Variants in CNDP1 observed in about 807,000 individuals in gnomAD.
CNDP1 encodes beta-Ala-His dipeptidase.
CNDP1 carries 44 observed loss-of-function variants against 58.1 expected under a neutral mutation model. The observed-to-expected ratio is 0.76, with a 90% CI of 0.60 to 0.97. The LOEUF (loss-of-function observed/expected upper bound fraction) is 0.97. Among genes scored for constraint, CNDP1 ranks in the 50% least tolerant of loss-of-function variants. The pLI is 0.00. For missense variants in CNDP1, 616 were observed against 655.1 expected, an observed-to-expected ratio of 0.94 and a Z score of 0.65; for synonymous variants, 254 against 252.6, an observed-to-expected ratio of 1.01 and a Z score of -0.05.
chr18:74,581,369 AGT>A (rs1485395344), intron 10 of CNDP1, among the ~76,000 whole-genome samples: 2 of 151,988 alleles, frequency 1.3e-5, no homozygotes, highest in African/African-American at 2.4e-5. Flanking sequence ...AATTTTACCT[AGT>A]GTGTGGTCTG....
chr18:74,552,823 G>A (rs1313211575), intron 1 of CNDP1, among the ~76,000 whole-genome samples: 1 of 151,780 alleles, frequency 6.6e-6, no homozygotes, highest in African/African-American at 2.4e-5. Context: ...GGGTCATATG[G>A]TGACTCTATG....
At chr18:74,582,920 G>T (rs1375269971) in intron 10 of CNDP1, among the ~76,000 whole-genome samples, 2 of 152,102 alleles carry the variant, frequency 1.3e-5, no homozygotes, top group Admixed American at 1.3e-4. Context: ...GAGATAGATG[G>T]GAGCTCTCTC....
At chr18:74,536,479 T>G (rs943993784) in intron 1 of CNDP1, among the ~76,000 whole-genome samples, 2 of 152,262 alleles carry the variant, frequency 1.3e-5, no homozygotes, top group Admixed American at 6.5e-5. Flanking sequence ...CTCATTCTTT[T>G]TTATGGCTGC....
intron 2 of CNDP1, 93 bp downstream of exon 2, chr18:74,556,559 T>C (rs1981047675): frequency 1.3e-6 from 2 of 1,484,854 alleles, no homozygotes; most frequent in East Asian, 2.3e-5. Context: ...GAGATGTGGA[T>C]TTTTTTGCCT....
rs1008085743 is a variant in CNDP1 at position 74,585,432 on chromosome 18, T to C, written c.*870T>C. 4 of 152,230 alleles carry C rather than the reference T, an allele frequency of 2.6e-5. No homozygotes were observed. The highest frequency in any genetic ancestry group is 9.6e-5 in the African/African-American group (4 of 41,464). The allele number at this position is 152,230 out of a possible 1,614,324, so 9.4% of individuals were successfully genotyped here. On this transcript the variant is annotated 3_prime_UTR_variant, in exon 12 of 12. Coordinates refer to ENST00000358821, the MANE Select transcript of CNDP1 (RefSeq NM_032649.6). ...TCAAAGCTTTTAATAGCATCAGTTT[T>C]AGATAGAGAACTAATCAACCCTGAC...
chr18:74,583,703 CA>C lies in CNDP1; in HGVS notation c.1454del (p.Asn485ThrfsTer6). 6.2e-7 allele frequency: 1 copy of C among 1,614,130 alleles called. No homozygotes were observed. The highest frequency in any genetic ancestry group is 1.3e-5 in the African/African-American group (1 of 75,052). ...DGEHSQNEKI[N>X]RWNYIEGTKL... is the part of the protein sequence containing the mutation. Reference sequence around the variant, plus strand: ...GAGAACATTCGCAGAATGAGAAAATCAACAGGTCAGCTGATGCCTGTGCAAT... The same window carrying C: ...GAGAACATTCGCAGAATGAGAAAATCACAGGTCAGCTGATGCCTGTGCAAT... On this transcript the variant is annotated frameshift_variant, in exon 11 of 12. Coordinates refer to ENST00000358821, the MANE Select transcript of CNDP1 (RefSeq NM_032649.6). LOFTEE classifies it high-confidence loss of function.
intron 5 of CNDP1, among the ~76,000 whole-genome samples, chr18:74,565,909 A>G (rs1472873682): frequency 6.6e-6 from 1 of 152,246 alleles, no homozygotes; most frequent in Non-Finnish European, 1.5e-5. Flanking sequence ...GAGGCTCTCC[A>G]TGAGGGTCCC....
At chr18:74,580,492 G>A (rs888499328) in intron 10 of CNDP1, among the ~76,000 whole-genome samples, 3 of 152,214 alleles carry the variant, frequency 2.0e-5, no homozygotes, top group Non-Finnish European at 4.4e-5. Context: ...AATAAATGCA[G>A]GCTTACAGAC....
chr18:74,564,205 G>A (rs1336852164), intron 5 of CNDP1, among the ~76,000 whole-genome samples: 2 of 152,150 alleles, frequency 1.3e-5, no homozygotes, highest in African/African-American at 4.8e-5. Flanking sequence ...AGTGTGTGCG[G>A]TGTCGTTTAT....
At chr18:74,560,671 TG>T (rs1348802058) in intron 3 of CNDP1, among the ~76,000 whole-genome samples, 184 bp from the exon 4 acceptor site, 1 of 151,456 alleles carries the variant, frequency 6.6e-6, no homozygotes, top group Non-Finnish European at 1.5e-5. Flanking sequence ...GCGACAGGAG[TG>T]AGACCTGTCT....
intron 5 of CNDP1, among the ~76,000 whole-genome samples, chr18:74,563,644 C>T (rs541079254): frequency 3.9e-5 from 6 of 152,244 alleles, no homozygotes; most frequent in East Asian, 1.9e-4. Flanking sequence ...GGATGGTGCG[C>T]GAGGTCCTTC....
At chr18:74,556,507 G>A in intron 2 of CNDP1, 41 bp downstream of exon 2, 1 of 1,609,586 alleles carries the variant, frequency 6.2e-7, no homozygotes, top group South Asian at 1.1e-5. Context: ...AGAATGCTTG[G>A]ATTATATCCT....
At chr18:74,539,745 G>A (rs186161081) in intron 1 of CNDP1, among the ~76,000 whole-genome samples, 30 of 152,264 alleles carry the variant, frequency 2.0e-4, no homozygotes, top group African/African-American at 5.8e-4. Context: ...CTGCTCTCTC[G>A]TTTTAATGGA....
intron 9 of CNDP1, among the ~76,000 whole-genome samples, chr18:74,578,976 T>C (rs1981704820): frequency 6.6e-6 from 1 of 152,200 alleles, no homozygotes; most frequent in Non-Finnish European, 1.5e-5. Context: ...CTTGAATGAA[T>C]GAGCTAAAGA....
intron 1 of CNDP1, among the ~76,000 whole-genome samples, chr18:74,538,788 C>A (rs979268251): frequency 5.3e-5 from 8 of 152,186 alleles, no homozygotes; most frequent in African/African-American, 1.4e-4. Flanking sequence ...CCTAATGATA[C>A]TGAACATTTT....
In CNDP1 at chr18:74,555,545, A is replaced by G. The variant is rs539433727; in HGVS notation, c.25-793A>G. Among the ~76,000 whole-genome samples the G allele has an allele frequency of 2.6e-5, 4 of 152,234 alleles. No homozygotes were observed. In the East Asian group the frequency reaches 7.7e-4, roughly 29 times the overall value. ...CCTCTGTGAAGGGGTGACCTTGCCCACTTTGCCACAGGACCTTCCTGTCAG... is the reference window on the plus strand; with the variant it reads ...CCTCTGTGAAGGGGTGACCTTGCCCGCTTTGCCACAGGACCTTCCTGTCAG... On this transcript the variant is annotated intron_variant, in intron 1 of 11. Transcript: ENST00000358821.
At chr18:74,559,599 A>C in intron 3 of CNDP1, 127 bp downstream of exon 3, 6 of 809,444 alleles carry the variant, frequency 7.4e-6, no homozygotes, top group Non-Finnish European at 7.5e-6. Context: ...CCAATTCCCA[A>C]TGAAGATGAA....
At chr18:74,556,903 C>T (rs978080355) in intron 2 of CNDP1, among the ~76,000 whole-genome samples, 1 of 152,174 alleles carries the variant, frequency 6.6e-6, no homozygotes, top group Non-Finnish European at 1.5e-5. Context: ...CTCCTTCATT[C>T]ATTCATTCAT....
At chr18:74,539,022 T>C (rs1395736369) in intron 1 of CNDP1, among the ~76,000 whole-genome samples, 1 of 152,160 alleles carries the variant, frequency 6.6e-6, no homozygotes. Flanking sequence ...AGCTTATTTC[T>C]AATTAATCAA....
Sources: allele counts gnomAD v4.1 joint callset (sites outside exome capture counted in the v4.1 genomes callset), GRCh38; gene constraint gnomAD v4.1.1; transcripts MANE v1.5; gene names NCBI Gene and HGNC (gene_info 2026-07-23, HGNC 2026-07-21).